Variants in CADM2 observed in about 807,000 individuals in gnomAD.
CADM2 encodes cell adhesion molecule 2.
A neutral mutation model predicts 49.8 loss-of-function variants in CADM2; 12 were observed. The ratio of observed to expected loss-of-function variants is 0.24; its 90% CI spans 0.15 to 0.39. The LOEUF is 0.39. Among genes scored for constraint, CADM2 ranks in the 10% least tolerant of loss-of-function variants. CADM2 has a pLI of 1.00. For synonymous variants in CADM2, 214 were observed against 175.4 expected (o/e 1.22, Z -1.74); for missense variants, 378 against 492.3 (o/e 0.77, Z 2.20).
chr3:85,943,355 CA>C (rs1355795400), intron 7 of CADM2, among the ~76,000 whole-genome samples: 1 of 139,440 alleles, frequency 7.2e-6, no homozygotes, highest in African/African-American at 2.8e-5. Flanking sequence ...TCCCATTTGT[CA>C]ATTTTGGCTT....
At chr3:85,413,354 A>C (rs1026834785) in intron 1 of CADM2, among the ~76,000 whole-genome samples, 12 of 151,942 alleles carry the variant, frequency 7.9e-5, no homozygotes, top group Admixed American at 5.9e-4. Context: ...AAAGGAAATA[A>C]AGTGGGCAAA....
intron 1 of CADM2, among the ~76,000 whole-genome samples, chr3:85,658,809 G>A (rs1258928190): frequency 6.7e-6 from 1 of 150,038 alleles, no homozygotes; most frequent in Non-Finnish European, 1.5e-5. Context: ...CCAGTGCTTT[G>A]AGAGACTGAG....
chr3:85,397,408 G>C (rs9833314), intron 1 of CADM2, among the ~76,000 whole-genome samples: 1,764 of 152,050 alleles, frequency 0.012, 28 homozygotes, highest in African/African-American at 0.041. Flanking sequence ...GAATTGAGGA[G>C]ATGGTCAGAC....
chr3:84,966,647 C>A (rs1575934753), intron 1 of CADM2, among the ~76,000 whole-genome samples: 1 of 152,040 alleles, frequency 6.6e-6, no homozygotes, highest in African/African-American at 2.4e-5. Context: ...TGAATAGATA[C>A]AGAGCTAAGT....
intron 8 of CADM2, among the ~76,000 whole-genome samples, chr3:86,023,289 T>C (rs1733433213): frequency 6.6e-6 from 1 of 152,266 alleles, no homozygotes; most frequent in Non-Finnish European, 1.5e-5. Context: ...TCTGGTCAGT[T>C]CTCTTACAGA....
intron 1 of CADM2, among the ~76,000 whole-genome samples, chr3:85,130,767 T>C (rs891341859): frequency 3.3e-5 from 5 of 152,238 alleles, no homozygotes; most frequent in Non-Finnish European, 5.9e-5. Flanking sequence ...AAAGTTGAAA[T>C]TGTTAACCAT....
At chr3:85,723,228 A>C (rs926640008) in intron 1 of CADM2, among the ~76,000 whole-genome samples, 1 of 152,160 alleles carries the variant, frequency 6.6e-6, no homozygotes, top group Non-Finnish European at 1.5e-5. Flanking sequence ...GTGTTATAGT[A>C]ACAATTTGCT....
chr3:85,979,131 T>C (rs747897587), intron 8 of CADM2: 4 of 1,599,266 alleles, frequency 2.5e-6, no homozygotes, highest in African/African-American at 1.3e-5. Flanking sequence ...TTGCATGATA[T>C]GATTTTGTTT....
intron 1 of CADM2, among the ~76,000 whole-genome samples, chr3:85,074,454 C>T (rs920046774): frequency 1.3e-5 from 2 of 152,074 alleles, no homozygotes; most frequent in Non-Finnish European, 2.9e-5. Context: ...TCTCTCCCTC[C>T]CTTATGTTGT....
At chr3:85,455,832 G>T (rs1433713) in intron 1 of CADM2, among the ~76,000 whole-genome samples, 131,041 of 152,138 alleles carry the variant, frequency 0.86, 56,600 homozygotes, top group East Asian at 0.95. Flanking sequence ...TGAGAAAGTG[G>T]GTATGAGTGT....
Position 85,066,083 on chromosome 3 carries a change from CA to C in CADM2, c.61+106418del, listed in dbSNP as rs377337171. ...AATTGAACAGAGTAAAATGCTACAA[CA>C]AACTAAAAGAAAAAACGTAAGAGAC... On this transcript the variant is annotated intron_variant, in intron 1 of 9. Transcript: ENST00000383699. 3.3e-5 allele frequency among the ~76,000 whole-genome samples: 5 copies of C among 152,064 alleles called. No homozygotes were observed. The South Asian group carries it at 8.3e-4, about 25-fold the overall frequency.
intron 1 of CADM2, among the ~76,000 whole-genome samples, chr3:85,659,876 G>A (rs1215063066): frequency 6.6e-6 from 1 of 152,056 alleles, no homozygotes; most frequent in African/African-American, 2.4e-5. Context: ...TTGAGCACAA[G>A]GTGTGCACCA....
chr3:85,460,636 T>C (rs907760959), intron 1 of CADM2, among the ~76,000 whole-genome samples: 3 of 152,162 alleles, frequency 2.0e-5, no homozygotes, highest in Non-Finnish European at 2.9e-5. Context: ...ATGCAAAAAG[T>C]ATCTTGTTAA....
At chr3:85,900,327 G>A (rs991964314) in intron 5 of CADM2, among the ~76,000 whole-genome samples, 3 of 152,060 alleles carry the variant, frequency 2.0e-5, no homozygotes, top group African/African-American at 7.2e-5. Context: ...TAAGGTTTAT[G>A]AGAAATTTAA....
chr3:85,249,968 A>C (rs1357268370), intron 1 of CADM2, among the ~76,000 whole-genome samples: 1 of 151,884 alleles, frequency 6.6e-6, no homozygotes, highest in Non-Finnish European at 1.5e-5. Flanking sequence ...CCATATTGAC[A>C]ATAACATAAA....
At chr3:85,731,158 C>T (rs1020866938) in intron 2 of CADM2, among the ~76,000 whole-genome samples, 3 of 152,010 alleles carry the variant, frequency 2.0e-5, no homozygotes, top group Non-Finnish European at 4.4e-5. Context: ...CATTTGGAAT[C>T]CCAGGCTACC....
intron 1 of CADM2, among the ~76,000 whole-genome samples, chr3:85,535,994 G>C (rs17516580): frequency 0.51 from 77,846 of 151,828 alleles, 23,038 homozygotes; most frequent in East Asian, 0.85. Context: ...AACTTTGGGA[G>C]TCTTGTTTGT....
At chr3:85,512,156 T>C (rs1388237530) in intron 1 of CADM2, among the ~76,000 whole-genome samples, 1 of 151,998 alleles carries the variant, frequency 6.6e-6, no homozygotes, top group Non-Finnish European at 1.5e-5. Context: ...TTTCTTCTCT[T>C]CCACTCTCCC....
intron 1 of CADM2, among the ~76,000 whole-genome samples, chr3:84,973,653 GT>G (rs1325566222): frequency 2.0e-5 from 3 of 152,058 alleles, no homozygotes; most frequent in Admixed American, 6.6e-5. Context: ...ACAATATTTA[GT>G]TTTTTTAGAC....
Sources: gnomAD v4.1 joint callset for allele counts (sites outside exome capture counted in the v4.1 genomes callset) on GRCh38, gnomAD v4.1.1 for gene constraint, MANE v1.5 for transcripts, NCBI Gene and HGNC (gene_info 2026-07-23, HGNC 2026-07-21) for gene names.